DST: variants seen among roughly 807,000 people sequenced by gnomAD.
DST encodes bullous pemphigoid antigen.
In DST, 253 loss-of-function variants were observed where a neutral mutation model predicts 875.2. The observed-to-expected ratio is 0.29, with a 90% CI of 0.26 to 0.32. The LOEUF is 0.32. DST is among the 10% of genes least tolerant of loss of function. The probability of loss-of-function intolerance (pLI) is 1.00; values close to 1 mark genes in which losing one functional copy is unlikely to be tolerated. For missense variants in DST, 8,287 were observed against 9,111.6 expected (o/e 0.91, Z 3.68); for synonymous variants, 3,124 against 3,197.1 (o/e 0.98, Z 0.77).
chr6:56,800,879 G>A (rs750373028), intron 4 of DST, among the ~76,000 whole-genome samples: 2 of 151,890 alleles, frequency 1.3e-5, no homozygotes, highest in Non-Finnish European at 2.9e-5. Flanking sequence ...AATTAGCCAG[G>A]CATGGTGGCA....
intron 2 of DST, among the ~76,000 whole-genome samples, chr6:56,905,075 A>G (rs1795784368): frequency 6.6e-6 from 1 of 152,240 alleles, no homozygotes; most frequent in South Asian, 2.1e-4. Context: ...GGCGTGAGCC[A>G]CCATGCCCGG....
intron 9 of DST, among the ~76,000 whole-genome samples, chr6:56,676,247 T>C (rs999129751): frequency 2.0e-5 from 3 of 152,206 alleles, no homozygotes; most frequent in Non-Finnish European, 2.9e-5. Context: ...TTTGTATTTT[T>C]AGTAAAGACG....
chr6:56,528,462 C>T lies in DST; in HGVS notation c.17680+379G>A, dbSNP rs565944827. 1.4e-3 allele frequency among the ~76,000 whole-genome samples: 215 copies of T among 152,220 alleles called. 2 individuals carry two copies. The highest frequency in any genetic ancestry group is 4.2e-3 in the South Asian group (20 of 4,800). On this transcript the variant is annotated intron_variant, in intron 67 of 103. Transcript: ENST00000680361. ...AATGAAGCCCATGTATAGCTATGCACGTAGCCATACTGTGTGTCACTGCAA... is the reference window on the plus strand; with the variant it reads ...AATGAAGCCCATGTATAGCTATGCATGTAGCCATACTGTGTGTCACTGCAA...
chr6:56,594,234 G>T, intron 47 of DST, 41 bp from the exon 48 acceptor site: 1 of 1,482,960 alleles, frequency 6.7e-7, no homozygotes, highest in South Asian at 1.4e-5. Context: ...AAGCAGTAAC[G>T]GGGTAACACC....
In DST at chr6:56,471,154, C is replaced by T; in HGVS notation, c.22273G>A (p.Asp7425Asn). Residue 7425 changes from aspartate (D) to asparagine (N), a missense_variant, in exon 95 of 104, where the codon GAT becomes AAT. Physicochemically the swap from Asp to Asn is conservative, Grantham distance 23 (BLOSUM62 1). Coordinates refer to ENST00000680361, the MANE Select transcript of DST (RefSeq NM_001374736.1). ...DFFRRIDKDQ[D>N]GKITRQEFID... The stretch of plus-strand genomic sequence containing the variant: ...AATTCCTGCCGCGTTATTTTCCCAT[C>T]CTGGTCTTTATCAATTCTCCTGAAG... 1 of 1,610,924 alleles carries T rather than the reference C, an allele frequency of 6.2e-7. No individual in the cohort carries two copies.
intron 69 of DST, among the ~76,000 whole-genome samples, chr6:56,524,705 T>A (rs1451614267): frequency 6.6e-6 from 1 of 151,988 alleles, no homozygotes; most frequent in Non-Finnish European, 1.5e-5. Flanking sequence ...CCAGAAGATA[T>A]CAGTGGCATT....
intron 4 of DST, among the ~76,000 whole-genome samples, chr6:56,763,645 C>T (rs919550346): frequency 2.3e-4 from 34 of 146,246 alleles, no homozygotes; most frequent in Non-Finnish European, 4.3e-4. Context: ...GCGCTCCAGC[C>T]GACAGAACGA....
intron 9 of DST, among the ~76,000 whole-genome samples, chr6:56,696,738 C>A (rs2099266401): frequency 6.6e-6 from 1 of 152,144 alleles, no homozygotes; most frequent in African/African-American, 2.4e-5. Flanking sequence ...TCTCTAGTGG[C>A]ATTTCATACT....
chr6:56,506,872 G>C, intron 75 of DST, 83 bp from the exon 76 acceptor site: 4 of 1,339,116 alleles, frequency 3.0e-6, no homozygotes. Flanking sequence ...ATCAATGGTA[G>C]TTATTTCTAG....
rs778375291 is a variant in DST, at chr6:56,527,542, G to A, written c.17873C>T (p.Thr5958Ile). 1.1e-5 allele frequency: 17 copies of A among 1,613,800 alleles called. No homozygotes were observed. The highest frequency in any genetic ancestry group is 1.4e-5 in the Non-Finnish European group (17 of 1,179,822). Reference protein sequence around the residue: ...KVEVELLSYETQVLKGEEASQ... With the variant: ...KVEVELLSYEIQVLKGEEASQ... Reference sequence around the variant, plus strand: ...TGCTTCTTCTCCTTTCAGAACCTGAGTTTCATATGAAAGTAATTCCACCTC... The same window carrying A: ...TGCTTCTTCTCCTTTCAGAACCTGAATTTCATATGAAAGTAATTCCACCTC... Residue 5958 changes from threonine (T) to isoleucine (I), a missense_variant, in exon 68 of 104, where the codon ACT (threonine) becomes ATT (isoleucine). Thr to Ile is a moderately conservative substitution (Grantham distance 89). This residue lies in a region of DST where 777 missense variants were observed against 764.8 expected (regional missense o/e 1.02). Coordinates refer to ENST00000680361, the MANE Select transcript of DST (RefSeq NM_001374736.1).
At chr6:56,931,068 A>G (rs1809962084) in intron 2 of DST, among the ~76,000 whole-genome samples, 1 of 152,194 alleles carries the variant, frequency 6.6e-6, no homozygotes, top group South Asian at 2.1e-4. Flanking sequence ...AATTAGGTTG[A>G]TGTGATAATC....
At chr6:56,923,389 T>A (rs1449559845) in intron 2 of DST, among the ~76,000 whole-genome samples, 2 of 139,024 alleles carry the variant, frequency 1.4e-5, no homozygotes, top group African/African-American at 5.9e-5. Flanking sequence ...GATCAGAAAG[T>A]ACTTATTTGG....
intron 4 of DST, among the ~76,000 whole-genome samples, chr6:56,837,041 A>T (rs564756797): frequency 6.6e-6 from 1 of 152,194 alleles, no homozygotes; most frequent in Non-Finnish European, 1.5e-5. Flanking sequence ...CTAAGATGCT[A>T]CTAATCATGC....
chr6:56,605,780 A>T lies in DST; in HGVS notation c.8848T>A (p.Ser2950Thr). The T allele has an allele frequency of 4.3e-6, 7 of 1,612,738 alleles. No individual in the cohort carries two copies. The highest frequency in any genetic ancestry group is 5.9e-6 in the Non-Finnish European group (7 of 1,179,312). The change falls in exon 40 of 104, where the codon TCT becomes ACT. Residue 2950 changes from serine (S) to threonine (T), a missense_variant. Transcript: ENST00000680361. ...TTTGCTAGATCAGTACCTAATTCAG[A>T]AGTTGAACTGATATTATTATTATCA... is the stretch of plus-strand genomic sequence containing the variant. ...SHDNNNISSTSELGTDLANTK... is the reference protein window; with the variant it reads ...SHDNNNISSTTELGTDLANTK...
intron 4 of DST, among the ~76,000 whole-genome samples, chr6:56,781,687 C>T (rs2099694330): frequency 6.6e-6 from 1 of 152,172 alleles, no homozygotes. Flanking sequence ...ATTTGACTTC[C>T]TCCTTTCCTA....
At chr6:56,798,982 G>C (rs1307968821) in intron 4 of DST, among the ~76,000 whole-genome samples, 1 of 152,204 alleles carries the variant, frequency 6.6e-6, no homozygotes, top group East Asian at 1.9e-4. Flanking sequence ...GCAATCTCAT[G>C]AGCAAACTTG....
At chr6:56,462,924 G>A (rs1223585703) in intron 102 of DST, 122 bp downstream of exon 102, 11 of 520,356 alleles carry the variant, frequency 2.1e-5, no homozygotes, top group Non-Finnish European at 3.8e-5. Flanking sequence ...TCTTATAGAA[G>A]TGTATAAAAA....
At chr6:56,576,734 G>C (rs568741356) in intron 50 of DST, among the ~76,000 whole-genome samples, 2 of 152,206 alleles carry the variant, frequency 1.3e-5, no homozygotes, top group Admixed American at 1.3e-4. Flanking sequence ...AGCGCCCTTA[G>C]AAGAAGAAAC....
At chr6:56,601,876 G>T in intron 43 of DST, 200 bp from the exon 44 acceptor site, 1 of 486,986 alleles carries the variant, frequency 2.1e-6, no homozygotes. Context: ...ATGGTAGTTA[G>T]TATTATATAA....
Sources: allele counts gnomAD v4.1 joint callset (sites outside exome capture counted in the v4.1 genomes callset), GRCh38; gene constraint gnomAD v4.1.1; regional missense constraint gnomAD v4.1.1; transcripts MANE v1.5; gene names NCBI Gene and HGNC (gene_info 2026-07-23, HGNC 2026-07-21).